Variants in CDC27 observed in about 807,000 individuals in gnomAD.
CDC27 encodes the protein cell division cycle 27.
In CDC27, 27 loss-of-function variants were observed where a neutral mutation model predicts 109.7. The observed-to-expected ratio is 0.25, with a 90% CI of 0.18 to 0.34. The LOEUF (loss-of-function observed/expected upper bound fraction) is 0.34, where lower values mean the gene tolerates loss of function less well. CDC27 is among the 10% of genes least tolerant of loss of function. The pLI, the probability that CDC27 is intolerant of heterozygous loss-of-function variation, is 1.00. For missense variants in CDC27, 579 were observed against 960.2 expected, an observed-to-expected ratio of 0.60 and a Z score of 5.25; for synonymous variants, 266 against 333.9, an observed-to-expected ratio of 0.80 and a Z score of 2.22.
chr17:47,164,643 C>T (rs1021068521), intron 4 of CDC27, among the ~76,000 whole-genome samples: 1 of 152,150 alleles, frequency 6.6e-6, no homozygotes, highest in Admixed American at 6.5e-5. Flanking sequence ...ATGGTGAAAC[C>T]CCGTCTCTAC....
chr17:47,127,789 G>A lies in CDC27; in HGVS notation c.2160+1604C>T, dbSNP rs137920268. ...GCGAAAACAGCTCACTGCAACCTCC[G>A]CCTCCTGAGCTCAAGCCATCCTCTC... On this transcript the variant is annotated intron_variant, in intron 16 of 18. Transcript: ENST00000066544. 1.7e-4 allele frequency among the ~76,000 whole-genome samples: 26 copies of A among 151,902 alleles called. No homozygotes were observed. The East Asian group carries it at 4.7e-3, about 27-fold the overall frequency.
chr17:47,166,941 G>A lies in CDC27; in HGVS notation c.377+2976C>T, dbSNP rs139300176. 4.1e-3 allele frequency among the ~76,000 whole-genome samples: 620 copies of A among 152,136 alleles called. 9 individuals carry two copies. The highest frequency in any genetic ancestry group is 0.013 in the African/African-American group (526 of 41,478). ...GTGATCTCGACTCACTGTAACCTCT[G>A]CCTCCCAGGTTCAAGCAATTCTCGT... is the stretch of plus-strand genomic sequence containing the variant. On this transcript the variant is annotated intron_variant, in intron 4 of 18. Coordinates refer to ENST00000066544, the MANE Select transcript of CDC27 (RefSeq NM_001256.6).
At chr17:47,175,714 G>A (rs887973232) in intron 2 of CDC27, among the ~76,000 whole-genome samples, 1 of 152,168 alleles carries the variant, frequency 6.6e-6, no homozygotes, top group African/African-American at 2.4e-5. Flanking sequence ...TTCTTGGGAG[G>A]TAGAGGTACA....
At chr17:47,176,005 C>T (rs748409583) in intron 2 of CDC27, among the ~76,000 whole-genome samples, 52 of 151,858 alleles carry the variant, frequency 3.4e-4, no homozygotes, top group Admixed American at 1.5e-3. Flanking sequence ...TTTTTTCATC[C>T]GGTAAGGACT....
At chr17:47,153,030 C>A (rs2063196006) in intron 8 of CDC27, among the ~76,000 whole-genome samples, 1 of 152,208 alleles carries the variant, frequency 6.6e-6, no homozygotes, top group Non-Finnish European at 1.5e-5. Context: ...TGTACCACCA[C>A]TTCAAAATAA....
At chr17:47,130,477 A>T (rs2062289671) in intron 15 of CDC27, among the ~76,000 whole-genome samples, 1 of 152,272 alleles carries the variant, frequency 6.6e-6, no homozygotes, top group Non-Finnish European at 1.5e-5. Flanking sequence ...GATATTTTAA[A>T]TAACTTAAAA....
chr17:47,137,867 C>A (rs1016785432), intron 13 of CDC27, among the ~76,000 whole-genome samples: 1 of 150,868 alleles, frequency 6.6e-6, no homozygotes, highest in Non-Finnish European at 1.5e-5. Context: ...GTGGTGTGAT[C>A]TTGGCTCAAT....
intron 14 of CDC27, among the ~76,000 whole-genome samples, 187 bp downstream of exon 14, chr17:47,136,961 GTTAA>G (rs1179081268): frequency 2.6e-5 from 4 of 152,166 alleles, no homozygotes; most frequent in Non-Finnish European, 5.9e-5. Context: ...ATTATCATTA[GTTAA>G]TTTAAGAGTT....
chr17:47,130,235 C>T (rs1420137103), intron 15 of CDC27, among the ~76,000 whole-genome samples: 1 of 152,154 alleles, frequency 6.6e-6, no homozygotes, highest in Non-Finnish European at 1.5e-5. Context: ...GTGTCACACG[C>T]CTGTAGTCCG....
intron 14 of CDC27, among the ~76,000 whole-genome samples, chr17:47,133,446 G>T (rs576899416): frequency 0.024 from 2,859 of 121,464 alleles, 37 homozygotes; most frequent in Middle Eastern, 0.069. Context: ...CTGTTTTTTT[G>T]TTTTTTTTTT....
chr17:47,168,983 CTTTT>C (rs558815409), intron 4 of CDC27, among the ~76,000 whole-genome samples: 1 of 139,320 alleles, frequency 7.2e-6, no homozygotes, highest in African/African-American at 2.6e-5. Context: ...TGTTCTTTTT[CTTTT>C]TTTTTTTCTT....
In CDC27 at chr17:47,118,483, C is replaced by CGT. The variant is rs2061921163; in HGVS notation, c.*2450_*2451dup. The CGT allele has an allele frequency of 6.6e-6, 1 of 152,400 alleles. No individual in the cohort carries two copies. The highest frequency in any genetic ancestry group is 1.5e-5 in the Non-Finnish European group (1 of 68,002). 9.4% of individuals were successfully genotyped at this position (152,400 alleles called of 1,614,324 possible). On this transcript the variant is annotated 3_prime_UTR_variant, in exon 19 of 19. Transcript: ENST00000066544. ...CATAACTTCTGAACAAGTGTGTGCG[C>CGT]GTATATATATATGTATATAGATGTA...
At chr17:47,144,148 A>T (rs886637113) in intron 9 of CDC27, among the ~76,000 whole-genome samples, 166 bp from the exon 10 acceptor site, 3 of 152,166 alleles carry the variant, frequency 2.0e-5, no homozygotes, top group Non-Finnish European at 2.9e-5. Context: ...AAAACACAGT[A>T]TTTAAAAATG....
intron 9 of CDC27, among the ~76,000 whole-genome samples, chr17:47,150,852 G>C (rs1221786207): frequency 6.6e-6 from 1 of 152,142 alleles, no homozygotes; most frequent in African/African-American, 2.4e-5. Context: ...GACCAACATG[G>C]AGAAACCCTG....
rs749826511 is a variant in CDC27, at chr17:47,141,940, C to T, written c.1464G>A (p.Leu488=). 5.6e-6 allele frequency: 9 copies of T among 1,607,746 alleles called. No homozygotes were observed. Among genetic ancestry groups the T allele is most frequent in the Non-Finnish European group, 7.7e-6 (9 of 1,176,276 alleles). The change falls in exon 12 of 19, where the codon TTG becomes TTA. Residue 488 remains leucine, a synonymous_variant. Coordinates refer to ENST00000066544, the MANE Select transcript of CDC27 (RefSeq NM_001256.6). ...SYNCKEAINI[L]SHLPSHHYNT... The stretch of plus-strand genomic sequence containing the variant: ...TGTAGTGGTGAGAAGGTAGATGGCT[C>T]AAAATATTTATAGCTTCTTTGCAGT...
rs770879848 is a variant in CDC27 at position 47,189,210 on chromosome 17, C to T, written c.-38G>A. 9 of 1,563,866 alleles carry T rather than the reference C, an allele frequency of 5.8e-6. No homozygotes were observed. Among genetic ancestry groups the T allele is most frequent in the South Asian group, 1.1e-5 (1 of 90,056 alleles). On this transcript the variant is annotated 5_prime_UTR_variant, in exon 1 of 19. Transcript: ENST00000066544. ...GGCCCACTTTCTGCAGTGCCTCAGG[C>T]CCCCCCTGTAGCGGCTCCGGCCCGG... is the stretch of plus-strand genomic sequence containing the variant.
intron 16 of CDC27, among the ~76,000 whole-genome samples, chr17:47,124,256 C>CGTCTATCTATCT (rs1555780287): frequency 6.7e-6 from 1 of 148,166 alleles, no homozygotes; most frequent in Non-Finnish European, 1.5e-5. Flanking sequence ...TGCTTTTGGT[C>CGTCTATCTATCT]ATCTATCTAT....
At chr17:47,158,853 C>G (rs2063401117) in intron 4 of CDC27, among the ~76,000 whole-genome samples, 1 of 152,150 alleles carries the variant, frequency 6.6e-6, no homozygotes, top group Non-Finnish European at 1.5e-5. Context: ...CTCATGAGCT[C>G]TGGTGATTTA....
At chr17:47,145,129 T>C (rs2062916476) in intron 9 of CDC27, among the ~76,000 whole-genome samples, 1 of 152,180 alleles carries the variant, frequency 6.6e-6, no homozygotes, top group Non-Finnish European at 1.5e-5. Flanking sequence ...CCATTTCAGA[T>C]AACTACAAAC....
Sources: allele counts gnomAD v4.1 joint callset (sites outside exome capture counted in the v4.1 genomes callset), GRCh38; gene constraint gnomAD v4.1.1; transcripts MANE v1.5; gene names NCBI Gene and HGNC (gene_info 2026-07-23, HGNC 2026-07-21).